DOCK2: variants seen among roughly 807,000 people sequenced by gnomAD.
The protein encoded by DOCK2 is dedicator of cytokinesis 2.
Under a neutral mutation model 248.9 loss-of-function variants are expected in DOCK2, and 87 were observed. The ratio of observed to expected loss-of-function variants is 0.35; its 90% CI spans 0.29 to 0.42. The LOEUF (loss-of-function observed/expected upper bound fraction) is 0.42, where lower values mean the gene tolerates loss of function less well. Ranked by LOEUF, DOCK2 falls within the 10% of genes least tolerant of loss-of-function variation. The pLI is 1.00. For missense variants in DOCK2, 1,747 were observed against 2,300.2 expected (o/e 0.76, Z 4.92); for synonymous variants, 805 against 821.6 (o/e 0.98, Z 0.35).
intron 6 of DOCK2, among the ~76,000 whole-genome samples, chr5:169,675,650 A>G (rs1759294578): frequency 6.6e-6 from 1 of 152,206 alleles, no homozygotes; most frequent in Admixed American, 6.5e-5. Context: ...CTAAAAAAGG[A>G]GAGTCAGGGG....
At chr5:169,830,658 A>C (rs1269213589) in intron 26 of DOCK2, among the ~76,000 whole-genome samples, 1 of 152,218 alleles carries the variant, frequency 6.6e-6, no homozygotes, top group Non-Finnish European at 1.5e-5. Flanking sequence ...TGCAGGTTGG[A>C]GGTTTCACTA....
Position 169,734,750 on chromosome 5 carries a change from T to C in DOCK2, c.2268-12646T>C, listed in dbSNP as rs148434078. ...TGTTTCCTTTTGTGCAATAGGTTTA[T>C]TTCTTTTCCTCTATTTTGAAGAAGA... On this transcript the variant is annotated intron_variant, in intron 22 of 51. Transcript: ENST00000520908. Among the ~76,000 whole-genome samples, 931 of 152,350 alleles carry C rather than the reference T, an allele frequency of 6.1e-3. 9 individuals are homozygous for C. Among genetic ancestry groups the C allele is most frequent in the African/African-American group, 0.021 (869 of 41,580 alleles).
At chr5:170,019,272 C>T (rs981156727) in intron 33 of DOCK2, among the ~76,000 whole-genome samples, 164 bp downstream of exon 33, 2 of 152,096 alleles carry the variant, frequency 1.3e-5, no homozygotes, top group South Asian at 2.1e-4. Context: ...CAGATTTGGT[C>T]GGTATTCTAT....
chr5:169,858,462 G>A (rs972326998), intron 27 of DOCK2, among the ~76,000 whole-genome samples: 7 of 152,086 alleles, frequency 4.6e-5, no homozygotes, highest in Non-Finnish European at 8.8e-5. Context: ...GACTGAAGGC[G>A]TGGTAGGTCC....
intron 29 of DOCK2, among the ~76,000 whole-genome samples, chr5:169,991,708 G>A (rs1211452649): frequency 2.0e-5 from 3 of 152,238 alleles, no homozygotes; most frequent in Non-Finnish European, 2.9e-5. Flanking sequence ...AGGCATTAGT[G>A]GAAGCATGCC....
intron 2 of DOCK2, among the ~76,000 whole-genome samples, chr5:169,656,029 G>C (rs759307735): frequency 2.0e-5 from 3 of 152,308 alleles, no homozygotes; most frequent in Non-Finnish European, 4.4e-5. Flanking sequence ...GAGGAGAGGG[G>C]TGGAGACGCT....
chr5:169,765,970 T>C (rs1764762261), intron 25 of DOCK2, among the ~76,000 whole-genome samples: 1 of 152,192 alleles, frequency 6.6e-6, no homozygotes, highest in Non-Finnish European at 1.5e-5. Flanking sequence ...AAAAGAGGGA[T>C]GGAAATAATT....
intron 27 of DOCK2, chr5:169,841,415 C>A: frequency 1.0e-6 from 1 of 986,438 alleles, no homozygotes; most frequent in Non-Finnish European, 1.2e-6. Flanking sequence ...CAGCTCGAAC[C>A]CTTTAACCTC....
chr5:170,020,373 T>C (rs1367538597), intron 33 of DOCK2, among the ~76,000 whole-genome samples: 1 of 152,232 alleles, frequency 6.6e-6, no homozygotes, highest in African/African-American at 2.4e-5. Flanking sequence ...ATTTGATGTC[T>C]AAGGTATGAC....
At chr5:169,964,233 G>A (rs923439366) in intron 27 of DOCK2, among the ~76,000 whole-genome samples, 12 of 152,096 alleles carry the variant, frequency 7.9e-5, no homozygotes, top group African/African-American at 2.9e-4. Context: ...GTGACCACAG[G>A]CCTTTTCTTA....
intron 22 of DOCK2, among the ~76,000 whole-genome samples, chr5:169,725,707 C>G (rs1762434641): frequency 6.6e-6 from 1 of 150,878 alleles, no homozygotes; most frequent in East Asian, 2.0e-4. Context: ...CACCATGTGT[C>G]CATGTGTTCT....
At chr5:169,762,506 G>A (rs148549221) in intron 25 of DOCK2, among the ~76,000 whole-genome samples, 45 of 152,308 alleles carry the variant, frequency 3.0e-4, no homozygotes, top group African/African-American at 9.4e-4. Context: ...TCAACTGGAT[G>A]TCGATAGCTC....
At chr5:169,975,744 G>T (rs1777693826) in intron 27 of DOCK2, among the ~76,000 whole-genome samples, 3 of 152,184 alleles carry the variant, frequency 2.0e-5, no homozygotes, top group Admixed American at 6.5e-5. Context: ...TATCTAAAAT[G>T]ATCTTACATA....
chr5:169,926,980 T>C lies in DOCK2; in HGVS notation c.2800-56088T>C, dbSNP rs184967845. On this transcript the variant is annotated intron_variant, in intron 27 of 51. Transcript: ENST00000520908. The stretch of plus-strand genomic sequence containing the variant: ...ATGAGGCTGGCTACTTTAGGTGGGA[T>C]GGCCAAGGATAACATCTCTCTGACA... 2.2e-3 allele frequency among the ~76,000 whole-genome samples: 331 copies of C among 152,340 alleles called. 1 individual carries two copies. Among genetic ancestry groups the C allele is most frequent in the African/African-American group, 7.5e-3 (313 of 41,578 alleles).
At chr5:169,738,164 A>G (rs1244930638) in intron 22 of DOCK2, among the ~76,000 whole-genome samples, 2 of 152,174 alleles carry the variant, frequency 1.3e-5, no homozygotes, top group Non-Finnish European at 2.9e-5. Context: ...TTCTGTGTTC[A>G]TGGTTGCGGC....
chr5:169,930,135 T>G (rs1033192015), intron 27 of DOCK2, among the ~76,000 whole-genome samples: 14 of 152,158 alleles, frequency 9.2e-5, no homozygotes. Flanking sequence ...GGACTACAGG[T>G]GCATTCCACC....
At position 170,050,189 on chromosome 5, in the gene DOCK2, A is replaced by G. The variant is rs116409679; in HGVS notation, c.4072-67A>G. The G allele has an allele frequency of 4.5e-4, 712 of 1,580,716 alleles. 1 individual carries two copies. In the African/African-American group the frequency reaches 7.4e-3, roughly 17 times the overall value. ...ACCGTGGTCATTTTACAAGCTCCCC[A>G]GCTTTGCTTGGCCCCTTTCTTCACA... is the stretch of plus-strand genomic sequence containing the variant. On this transcript the variant is annotated intron_variant, in intron 40 of 51. Transcript: ENST00000520908.
intron 1 of DOCK2, among the ~76,000 whole-genome samples, chr5:169,648,292 C>T (rs766402887): frequency 6.6e-6 from 1 of 152,110 alleles, no homozygotes; most frequent in Non-Finnish European, 1.5e-5. Flanking sequence ...CCCGACTCCC[C>T]TCCCCCAGGT....
chr5:169,972,887 C>T (rs2113767878), intron 27 of DOCK2, among the ~76,000 whole-genome samples: 1 of 152,218 alleles, frequency 6.6e-6, no homozygotes, highest in East Asian at 1.9e-4. Context: ...TGCAAAGGGG[C>T]CACCTCCAAG....
Sources: allele counts gnomAD v4.1 joint callset (sites outside exome capture counted in the v4.1 genomes callset), GRCh38; gene constraint gnomAD v4.1.1; transcripts MANE v1.5; gene names NCBI Gene and HGNC (gene_info 2026-07-23, HGNC 2026-07-21).